The following PRPF8 variants were observed in gnomAD, a reference collection of about 807,000 sequenced individuals.
PRPF8 encodes pre-mRNA-processing-splicing factor 8.
Under a neutral mutation model 285.9 loss-of-function variants are expected in PRPF8, and 64 were observed. The observed-to-expected ratio is 0.22, with a 90% CI of 0.18 to 0.28. The LOEUF is 0.28. Among genes scored for constraint, PRPF8 ranks in the 10% least tolerant of loss-of-function variants. The pLI is 1.00. For missense variants in PRPF8, 1,426 were observed against 3,026.7 expected, an observed-to-expected ratio of 0.47 and a Z score of 12.41; for synonymous variants, 1,325 against 1,118.2, an observed-to-expected ratio of 1.18 and a Z score of -3.69.
chr17:1,659,615 C>A lies in PRPF8; in HGVS notation c.4947-67G>T. The A allele has an allele frequency of 1.0e-5, 16 of 1,579,872 alleles. No homozygotes were observed. The highest frequency in any genetic ancestry group is 1.4e-5 in the Non-Finnish European group (16 of 1,152,288). ...ATAACCAATGTCCCCAGAACCAGAA[C>A]CACTTAAATCCCAAAACCATCCCAC... On this transcript the variant is annotated intron_variant, in intron 31 of 42. Coordinates refer to ENST00000304992, the MANE Select transcript of PRPF8 (RefSeq NM_006445.4). This position sits in a 1 kb window ranked among gnomAD's most constrained non-coding sequence, Gnocchi z 5.1.
chr17:1,664,832 C>A (rs1911868586), intron 24 of PRPF8, among the ~76,000 whole-genome samples: 1 of 151,930 alleles, frequency 6.6e-6, no homozygotes, highest in Non-Finnish European at 1.5e-5. Context: ...ATACTTTTAA[C>A]TAAATAAAAA....
chr17:1,683,195 C>A (rs1329072333), intron 3 of PRPF8: 12 of 349,602 alleles, frequency 3.4e-5, no homozygotes, highest in Non-Finnish European at 5.0e-5. Context: ...CGGGGTTTCA[C>A]CGTGTTAGCC....
chr17:1,653,783 C>G lies in PRPF8; in HGVS notation c.6221G>C (p.Arg2074Thr). Residue 2074 changes from arginine (R) to threonine (T), a missense_variant, in exon 38 of 43, where the codon AGG becomes ACG. By Grantham distance (71) the Arg-to-Thr change is moderately conservative (BLOSUM62 -1). Transcript: ENST00000304992. The surrounding 1 kb of genome is among the most constrained non-coding windows in gnomAD (Gnocchi z 4.9). ...TQTFSSKTEW[R>T]VRAISAANLH... ...CCCTCTTGCCCGACAGTACCTGACC[C>G]TCCACTCAGTCTTGGATGAGAAAGT... The G allele has an allele frequency of 6.2e-7, 1 of 1,614,154 alleles. No individual in the cohort carries two copies. Among genetic ancestry groups the G allele is most frequent in the Non-Finnish European group, 8.5e-7 (1 of 1,180,024 alleles).
chr17:1,662,528 G>A (rs1374294582), intron 24 of PRPF8, among the ~76,000 whole-genome samples: 1 of 151,782 alleles, frequency 6.6e-6, no homozygotes, highest in Non-Finnish European at 1.5e-5. Flanking sequence ...GGTGGAGGTT[G>A]CAGTGAGCTG....
chr17:1,677,739 T>G (rs1912679724), intron 13 of PRPF8, 45 bp from the exon 14 acceptor site: 2 of 1,613,016 alleles, frequency 1.2e-6, no homozygotes, highest in African/African-American at 2.7e-5. Context: ...AGCAATGCAT[T>G]TAAACAACAA....
At position 1,678,828 on chromosome 17, in the gene PRPF8, C is replaced by T. The variant is rs1912753368; in HGVS notation, c.1653G>A (p.Leu551=). 1.9e-6 allele frequency: 3 copies of T among 1,614,156 alleles called. No individual in the cohort carries two copies. Among genetic ancestry groups the T allele is most frequent in the Non-Finnish European group, 2.5e-6 (3 of 1,180,038 alleles). The part of the protein sequence containing the change: ...GNAFHLCREV[L]RLTKLVVDSH... Reference sequence around the variant, plus strand: ...TATCCACCACCAGCTTAGTCAAACGCAGAACTTCCCGACACAGGTGGAAAG... The same window carrying T: ...TATCCACCACCAGCTTAGTCAAACGTAGAACTTCCCGACACAGGTGGAAAG... Residue 551 remains leucine (L), a synonymous_variant, in exon 12 of 43, where the codon CTG becomes CTA. Coordinates refer to ENST00000304992, the MANE Select transcript of PRPF8 (RefSeq NM_006445.4).
rs755301153 is a variant in PRPF8, at chr17:1,679,749, A to C, written c.1149T>G (p.Phe383Leu). The change falls in exon 9 of 43, where the codon TTT becomes TTG. Residue 383 changes from phenylalanine to leucine, a missense_variant. Physicochemically the swap from Phe to Leu is conservative, Grantham distance 22. Coordinates refer to ENST00000304992, the MANE Select transcript of PRPF8 (RefSeq NM_006445.4). This position sits in a 1 kb window ranked among gnomAD's most constrained non-coding sequence, Gnocchi z 4.7. ...DDDEEFELPE[F>L]VEPFLKDTPL... ...GTGTGTCCTTCAGGAAGGGCTCCACAAACTCCGGGAGCTCAAATTCCTCAT... is the reference window on the plus strand; with the variant it reads ...GTGTGTCCTTCAGGAAGGGCTCCACCAACTCCGGGAGCTCAAATTCCTCAT... 56 of 1,614,056 alleles carry C rather than the reference A, an allele frequency of 3.5e-5. No individual in the cohort carries two copies. Among genetic ancestry groups the C allele is most frequent in the Non-Finnish European group, 4.7e-5 (55 of 1,180,034 alleles).
chr17:1,655,508 T>C lies in PRPF8; in HGVS notation c.5829A>G (p.Leu1943=), dbSNP rs1399853089. Residue 1943 remains leucine, a synonymous_variant, in exon 37 of 43, where the codon CTA becomes CTG. Coordinates refer to ENST00000304992, the MANE Select transcript of PRPF8 (RefSeq NM_006445.4). ...FSRLILILRA[L]HVNNDRAKVI... ...CTTTTGCCCGATCGTTGTTCACATGTAGGGCACGCAGAATCAGGATGAGAC... is the reference window on the plus strand; with the variant it reads ...CTTTTGCCCGATCGTTGTTCACATGCAGGGCACGCAGAATCAGGATGAGAC... 2 of 1,614,046 alleles carry C rather than the reference T, an allele frequency of 1.2e-6. No individual in the cohort carries two copies. Among genetic ancestry groups the C allele is most frequent in the Admixed American group, 1.7e-5 (1 of 60,006 alleles).
chr17:1,664,765 A>G (rs1252331473), intron 24 of PRPF8, among the ~76,000 whole-genome samples: 1 of 152,226 alleles, frequency 6.6e-6, no homozygotes, highest in Non-Finnish European at 1.5e-5. Flanking sequence ...AAATATGTAA[A>G]CAGCATAATT....
In PRPF8 at chr17:1,650,799, C is replaced by CG. The variant is rs1302401999; in HGVS notation, c.*2dup. 1 of 1,613,806 alleles carries CG rather than the reference C, an allele frequency of 6.2e-7. No homozygotes were observed. The highest frequency in any genetic ancestry group is 1.7e-5 in the Admixed American group (1 of 60,000). ...GAGGCTGAAGCAGGAGGCAGGGAAA[C>CG]GGTCAGGCATACAGGTCCTCCCGAT... On this transcript the variant is annotated 3_prime_UTR_variant, in exon 43 of 43. Coordinates refer to ENST00000304992, the MANE Select transcript of PRPF8 (RefSeq NM_006445.4).
In PRPF8 at chr17:1,675,480, C is replaced by T. The variant is rs1014920641; in HGVS notation, c.2872+140G>A. On this transcript the variant is annotated intron_variant, in intron 19 of 42. Coordinates refer to ENST00000304992, the MANE Select transcript of PRPF8 (RefSeq NM_006445.4). This position sits in a 1 kb window ranked among gnomAD's most constrained non-coding sequence, Gnocchi z 6.0. ...TGGATTGCTTTGACTATGGGCTTTT[C>T]CTCAGTTTAACACGAACACTACTTC... The T allele has an allele frequency of 6.9e-7, 1 of 1,452,174 alleles. No homozygotes were observed. Among genetic ancestry groups the T allele is most frequent in the Non-Finnish European group, 9.6e-7 (1 of 1,037,880 alleles). 90.0% of individuals were successfully genotyped at this position (1,452,174 alleles called of 1,614,324 possible). A position where few individuals can be genotyped will look rare whatever the true frequency, so the allele number is the denominator to read the frequency against.
Position 1,683,718 on chromosome 17 carries a change from G to A in PRPF8, c.101-17C>T. On this transcript the variant is annotated splice_polypyrimidine_tract_variant and intron_variant, in intron 2 of 42. Transcript: ENST00000304992. ...ATTTTCGAGCTGGAAAGGCACCTCA[G>A]TTTAAAGGCCTGCACACCCTCCCCC... is the stretch of plus-strand genomic sequence containing the variant. 1 of 1,613,340 alleles carries A rather than the reference G, an allele frequency of 6.2e-7. No homozygotes were observed. Among genetic ancestry groups the A allele is most frequent in the Non-Finnish European group, 8.5e-7 (1 of 1,179,958 alleles).
chr17:1,656,714 A>G lies in PRPF8; in HGVS notation c.5553T>C (p.Ser1851=). Residue 1851 remains serine, a synonymous_variant, in exon 35 of 43, where the codon TCT becomes TCC. Coordinates refer to ENST00000304992, the MANE Select transcript of PRPF8 (RefSeq NM_006445.4). ...TAEEVAALIR[S]LPVEEQPKQI... ...GCTTGGGCTGCTCCTCCACAGGCAGAGATCGGATCAGGGCGGCCACCTCCT... is the reference window on the plus strand; with the variant it reads ...GCTTGGGCTGCTCCTCCACAGGCAGGGATCGGATCAGGGCGGCCACCTCCT... 1 of 1,614,122 alleles carries G rather than the reference A, an allele frequency of 6.2e-7. No homozygotes were observed. The highest frequency in any genetic ancestry group is 1.3e-5 in the African/African-American group (1 of 75,016).
chr17:1,684,660 G>C (rs1913143293), intron 1 of PRPF8, 78 bp from the exon 2 acceptor site: 1 of 1,363,136 alleles, frequency 7.3e-7, no homozygotes, highest in Non-Finnish European at 1.0e-6. Context: ...GGCGTCCGGG[G>C]ACCCCGGCCT....
At chr17:1,674,311 C>T (rs1477350964) in intron 21 of PRPF8, 131 bp downstream of exon 21, 7 of 976,644 alleles carry the variant, frequency 7.2e-6, no homozygotes, top group East Asian at 7.1e-5. Flanking sequence ...CGTGAGCTAC[C>T]GCACCCGGCC....
chr17:1,666,912 T>G (rs1305663568), intron 24 of PRPF8, among the ~76,000 whole-genome samples: 2 of 151,996 alleles, frequency 1.3e-5, no homozygotes, highest in Non-Finnish European at 2.9e-5. Flanking sequence ...CGGTGGCTCA[T>G]GCCTGTAATC....
At chr17:1,671,807 C>T (rs375919587) in intron 24 of PRPF8, among the ~76,000 whole-genome samples, 158 of 146,692 alleles carry the variant, frequency 1.1e-3, no homozygotes, top group African/African-American at 3.6e-3. Flanking sequence ...GCCAAGACTG[C>T]GCCACTGCAC....
chr17:1,665,889 G>A (rs986291441), intron 24 of PRPF8, among the ~76,000 whole-genome samples: 6 of 150,514 alleles, frequency 4.0e-5, no homozygotes, highest in Admixed American at 1.3e-4. Context: ...GGCCAGGTGC[G>A]GTGGCTCACA....
At chr17:1,665,029 G>A (rs576834817) in intron 24 of PRPF8, among the ~76,000 whole-genome samples, 5 of 151,220 alleles carry the variant, frequency 3.3e-5, no homozygotes, top group Admixed American at 2.0e-4. Flanking sequence ...GTGTGGTGGC[G>A]GGCACCTGTA....
Sources: allele counts gnomAD v4.1 joint callset (sites outside exome capture counted in the v4.1 genomes callset), GRCh38; gene constraint gnomAD v4.1.1; non-coding constraint Gnocchi (gnomAD v3.1); transcripts MANE v1.5; gene names NCBI Gene and HGNC (gene_info 2026-07-23, HGNC 2026-07-21).